DNMBP: variants seen among roughly 807,000 people sequenced by gnomAD.
DNMBP encodes dynamin-binding protein.
A neutral mutation model predicts 150.0 loss-of-function variants in DNMBP; 87 were observed. That is an observed-to-expected ratio of 0.58 (90% CI 0.49 to 0.69). The LOEUF is 0.69. DNMBP is among the 30% of genes least tolerant of loss of function. The pLI is 0.00. For missense variants in DNMBP, 1,774 were observed against 1,949.0 expected (o/e 0.91, Z 1.69); for synonymous variants, 711 against 750.4 (o/e 0.95, Z 0.86).
At chr10:99,950,310 C>T (rs912498276) in intron 4 of DNMBP, among the ~76,000 whole-genome samples, 4 of 152,162 alleles carry the variant, frequency 2.6e-5, no homozygotes, top group African/African-American at 9.7e-5. Flanking sequence ...TTGTAAATTG[C>T]CCGGTCTTGG....
intron 1 of DNMBP, among the ~76,000 whole-genome samples, chr10:99,988,483 G>A (rs1459925677): frequency 1.3e-5 from 2 of 152,096 alleles, no homozygotes; most frequent in East Asian, 1.9e-4. Context: ...TAGGTAAAAT[G>A]AGATTAGATA....
At chr10:99,974,314 G>A (rs1235482761) in intron 1 of DNMBP, among the ~76,000 whole-genome samples, 3 of 152,112 alleles carry the variant, frequency 2.0e-5, no homozygotes, top group Admixed American at 2.0e-4. Flanking sequence ...GTAATAAGAC[G>A]ATGTGTCCAT....
intron 4 of DNMBP, among the ~76,000 whole-genome samples, chr10:99,946,986 A>G (rs945068235): frequency 5.9e-5 from 9 of 152,226 alleles, no homozygotes; most frequent in Non-Finnish European, 2.9e-5. Context: ...AACATCGCTA[A>G]TCATCAGAGA....
intron 6 of DNMBP, among the ~76,000 whole-genome samples, chr10:99,902,927 T>TAAA (rs775080360): frequency 4.4e-5 from 6 of 135,238 alleles, no homozygotes; most frequent in African/African-American, 1.1e-4. Flanking sequence ...ATTCTGTCTT[T>TAAA]AAAAAAAAAA....
At position 99,876,404 on chromosome 10, in the gene DNMBP, AGCGGGGG is replaced by A. The variant is rs2039274589; in HGVS notation, c.*740_*746del. On this transcript the variant is annotated 3_prime_UTR_variant, in exon 17 of 17. Coordinates refer to ENST00000324109, the MANE Select transcript of DNMBP (RefSeq NM_015221.4). ...AGCAAGACCCCATCTCAAAAAAAAAAGCGGGGGGGCAGTGATTGTACCTAACAAGGGA... is the reference window on the plus strand; with the variant it reads ...AGCAAGACCCCATCTCAAAAAAAAAAGGCAGTGATTGTACCTAACAAGGGA... The A allele has an allele frequency of 7.3e-6, 1 of 136,688 alleles. No individual in the cohort carries two copies. Among genetic ancestry groups the A allele is most frequent in the Non-Finnish European group, 1.6e-5 (1 of 62,304 alleles). The allele number at this position is 136,688 out of a possible 1,614,324, so 8.5% of individuals were successfully genotyped here.
At chr10:100,008,272 T>C (rs529952485) in intron 1 of DNMBP, among the ~76,000 whole-genome samples, 1 of 152,242 alleles carries the variant, frequency 6.6e-6, no homozygotes, top group Non-Finnish European at 1.5e-5. Context: ...AGATCGTTTA[T>C]GAAGATTATT....
At chr10:99,894,369 GT>G (rs1189297955) in intron 11 of DNMBP, among the ~76,000 whole-genome samples, 2 of 152,188 alleles carry the variant, frequency 1.3e-5, no homozygotes, top group Non-Finnish European at 2.9e-5. Context: ...GGTGGTGCTG[GT>G]TCTGACCTCA....
intron 1 of DNMBP, among the ~76,000 whole-genome samples, chr10:99,990,588 C>T (rs2040873896): frequency 7.1e-6 from 1 of 139,896 alleles, no homozygotes; most frequent in South Asian, 2.3e-4. Context: ...TTGCAAATGA[C>T]TAAACACCCC....
At chr10:99,915,140 CATATATAT>C (rs537936826) in intron 4 of DNMBP, among the ~76,000 whole-genome samples, 1 of 137,228 alleles carries the variant, frequency 7.3e-6, no homozygotes, top group African/African-American at 2.8e-5. Flanking sequence ...CACACACACA[CATATATAT>C]ACATATATAT....
chr10:99,971,145 A>G (rs2040672624), intron 2 of DNMBP, among the ~76,000 whole-genome samples: 1 of 152,080 alleles, frequency 6.6e-6, no homozygotes, highest in African/African-American at 2.4e-5. Flanking sequence ...GGGCTGGGGC[A>G]GCTGGTGTCT....
intron 15 of DNMBP, among the ~76,000 whole-genome samples, chr10:99,882,452 C>A (rs145116858): frequency 2.0e-5 from 3 of 152,120 alleles, no homozygotes; most frequent in Non-Finnish European, 4.4e-5. Flanking sequence ...GGCATGGTCA[C>A]GCATGCCTCT....
intron 16 of DNMBP, 26 bp downstream of exon 16, chr10:99,879,785 C>G (rs373510297): frequency 3.7e-6 from 6 of 1,609,546 alleles, no homozygotes; most frequent in Non-Finnish European, 5.1e-6. Flanking sequence ...GCCTGTGCCA[C>G]AGTGGCAGGC....
At chr10:99,937,526 G>C (rs963455201) in intron 4 of DNMBP, among the ~76,000 whole-genome samples, 1 of 152,188 alleles carries the variant, frequency 6.6e-6, no homozygotes, top group Non-Finnish European at 1.5e-5. Flanking sequence ...CATGGCACTA[G>C]ACTAAGAAGA....
chr10:99,996,728 T>C (rs557657205), intron 1 of DNMBP, among the ~76,000 whole-genome samples: 2 of 152,212 alleles, frequency 1.3e-5, no homozygotes, highest in Non-Finnish European at 2.9e-5. Context: ...AATGAAAATA[T>C]TGACATTGAG....
chr10:99,948,913 A>C (rs887041970), intron 4 of DNMBP, among the ~76,000 whole-genome samples: 1 of 152,124 alleles, frequency 6.6e-6, no homozygotes, highest in Admixed American at 6.6e-5. Context: ...CAGTGAGCCA[A>C]GATCACGCCA....
intron 4 of DNMBP, chr10:99,926,875 G>C (rs2040083944): frequency 6.6e-6 from 1 of 152,184 alleles, no homozygotes. Flanking sequence ...GTCCCTCCAA[G>C]TTAGGAGGTT....
chr10:99,878,812 G>A (rs1415196733), intron 16 of DNMBP, among the ~76,000 whole-genome samples: 2 of 152,158 alleles, frequency 1.3e-5, no homozygotes, highest in Non-Finnish European at 2.9e-5. Context: ...ATCTGAAAAT[G>A]GCTTTAAAGC....
intron 1 of DNMBP, among the ~76,000 whole-genome samples, chr10:99,996,426 A>T (rs894605851): frequency 6.6e-6 from 1 of 152,208 alleles, no homozygotes; most frequent in Non-Finnish European, 1.5e-5. Context: ...AGGCTGAGAC[A>T]CGAGGATCAC....
intron 1 of DNMBP, among the ~76,000 whole-genome samples, chr10:99,980,024 T>A (rs1215924055): frequency 2.0e-5 from 3 of 152,214 alleles, no homozygotes; most frequent in Non-Finnish European, 4.4e-5. Context: ...ATTTGCCATG[T>A]CTTAAGTCCT....
Sources: gnomAD v4.1 joint callset for allele counts (sites outside exome capture counted in the v4.1 genomes callset) on GRCh38, gnomAD v4.1.1 for gene constraint, MANE v1.5 for transcripts, NCBI Gene and HGNC (gene_info 2026-07-23, HGNC 2026-07-21) for gene names.